AKAIN1: variants seen among roughly 807,000 people sequenced by gnomAD.
AKAIN1 encodes A-kinase anchor protein inhibitor 1.
AKAIN1 carries 3 observed loss-of-function variants against 3.7 expected under a neutral mutation model. That is an observed-to-expected ratio of 0.82 (90% CI 0.37 to 2.12). AKAIN1 has a LOEUF of 2.12. Among genes scored for constraint, AKAIN1 ranks in the 30% most tolerant of loss-of-function variants. The probability of loss-of-function intolerance (pLI) is 0.06; values close to 1 mark genes in which losing one functional copy is unlikely to be tolerated. For synonymous variants in AKAIN1, 31 were observed against 30.8 expected (o/e 1.01, Z -0.02); for missense variants, 82 against 82.7 (o/e 0.99, Z 0.03).
chr18:5,182,775 A>T (rs1003529004), intron 1 of AKAIN1, among the ~76,000 whole-genome samples: 1 of 152,110 alleles, frequency 6.6e-6, no homozygotes, highest in African/African-American at 2.4e-5. Context: ...CTTCTAGACA[A>T]CTTTTGGTGA....
At chr18:5,180,377 C>T (rs181401134) in intron 1 of AKAIN1, among the ~76,000 whole-genome samples, 1 of 151,768 alleles carries the variant, frequency 6.6e-6, no homozygotes, top group African/African-American at 2.4e-5. Context: ...AGGCCAGGTG[C>T]ATGTGACTGA....
Position 5,194,217 on chromosome 18 carries a change from C to T in AKAIN1, c.16+2821G>A, listed in dbSNP as rs139869870. On this transcript the variant is annotated intron_variant, in intron 1 of 1. Transcript: ENST00000434239. Reference sequence around the variant, plus strand: ...ATGATGGGCTTCAAGTAATTAACTCCTTAAAAAATTAGTAGTCATGCCCCT... The same window carrying T: ...ATGATGGGCTTCAAGTAATTAACTCTTTAAAAAATTAGTAGTCATGCCCCT... 3.2e-3 allele frequency among the ~76,000 whole-genome samples: 490 copies of T among 152,180 alleles called. 3 individuals carry two copies. Among genetic ancestry groups the T allele is most frequent in the African/African-American group, 0.011 (469 of 41,524 alleles).
Position 5,145,276 on chromosome 18 carries a change from T to C in AKAIN1, c.*286A>G. On this transcript the variant is annotated 3_prime_UTR_variant, in exon 2 of 2. Coordinates refer to ENST00000434239, the MANE Select transcript of AKAIN1 (RefSeq NM_001145194.2). ...TAAACGAGACATAGAATTCTTTTTT[T>C]CAAATAAAAGAACTTTAAAAATAAA... 1 of 280,028 alleles carries C rather than the reference T, an allele frequency of 3.6e-6. No homozygotes were observed. The highest frequency in any genetic ancestry group is 6.7e-6 in the Non-Finnish European group (1 of 149,238). 17.3% of individuals were successfully genotyped at this position (280,028 alleles called of 1,614,324 possible). A position where few individuals can be genotyped will look rare whatever the true frequency, so the allele number is the denominator to read the frequency against.
chr18:5,152,063 G>A (rs1598304934), intron 1 of AKAIN1, among the ~76,000 whole-genome samples: 1 of 152,186 alleles, frequency 6.6e-6, no homozygotes, highest in Admixed American at 6.5e-5. Flanking sequence ...TATGAAGGGA[G>A]CATGGGGAGC....
rs2071036189 is a variant in AKAIN1 at position 5,144,187 on chromosome 18, T to C, written c.*1375A>G. Among the ~76,000 whole-genome samples, 1 of 152,176 alleles carries C rather than the reference T, an allele frequency of 6.6e-6. No individual in the cohort carries two copies. The highest frequency in any genetic ancestry group is 2.1e-4 in the South Asian group (1 of 4,826). On this transcript the variant is annotated 3_prime_UTR_variant, in exon 2 of 2. Coordinates refer to ENST00000434239, the MANE Select transcript of AKAIN1 (RefSeq NM_001145194.2). ...CTGGTAAGATATTTTTCATTCATTA[T>C]CTATTATCCAACTATTTATTCTAGA...
intron 1 of AKAIN1, among the ~76,000 whole-genome samples, chr18:5,196,555 C>G (rs12326675): frequency 0.17 from 25,788 of 152,296 alleles, 2,407 homozygotes; most frequent in Middle Eastern, 0.32. Context: ...CTTCGTCCTA[C>G]TCCCCTTGGC....
At chr18:5,186,949 A>C (rs533378762) in intron 1 of AKAIN1, among the ~76,000 whole-genome samples, 2 of 152,286 alleles carry the variant, frequency 1.3e-5, no homozygotes, top group East Asian at 1.9e-4. Flanking sequence ...TCCATGGGAC[A>C]AAAAGGAGGT....
chr18:5,161,141 A>C (rs1757329547), intron 1 of AKAIN1, among the ~76,000 whole-genome samples: 1 of 152,050 alleles, frequency 6.6e-6, no homozygotes, highest in South Asian at 2.1e-4. Context: ...CACTGGCTTC[A>C]CTTGGGAAAA....
At position 5,150,699 on chromosome 18, in the gene AKAIN1, C is replaced by A. The variant is rs141583199; in HGVS notation, c.17-4944G>T. Among the ~76,000 whole-genome samples the A allele has an allele frequency of 2.0e-3, 309 of 152,264 alleles. 3 individuals are homozygous for A. Among genetic ancestry groups the A allele is most frequent in the African/African-American group, 6.3e-3 (262 of 41,544 alleles). ...CCACTGTGAGCTCTGCAGCTCCCCACCACGCCCCTCAGAACTTTCTGCCCC... is the reference window on the plus strand; with the variant it reads ...CCACTGTGAGCTCTGCAGCTCCCCAACACGCCCCTCAGAACTTTCTGCCCC... On this transcript the variant is annotated intron_variant, in intron 1 of 1. Coordinates refer to ENST00000434239, the MANE Select transcript of AKAIN1 (RefSeq NM_001145194.2).
At chr18:5,175,026 G>C (rs1237727969) in intron 1 of AKAIN1, among the ~76,000 whole-genome samples, 3 of 152,140 alleles carry the variant, frequency 2.0e-5, no homozygotes, top group Non-Finnish European at 4.4e-5. Flanking sequence ...TAGCCGCACA[G>C]GGTCTCACAC....
chr18:5,150,175 A>C (rs1308588578), intron 1 of AKAIN1, among the ~76,000 whole-genome samples: 1 of 152,184 alleles, frequency 6.6e-6, no homozygotes, highest in African/African-American at 2.4e-5. Flanking sequence ...CATCACACTC[A>C]TACTTCCTGG....
In AKAIN1 at chr18:5,172,842, C is replaced by T. The variant is rs533646763; in HGVS notation, c.16+24196G>A. On this transcript the variant is annotated intron_variant, in intron 1 of 1. Transcript: ENST00000434239. ...TTTAAGACTTAATATTAGAATTCTG[C>T]CAATGAAGAAAAGAGTTATTATGGA... Among the ~76,000 whole-genome samples the T allele has an allele frequency of 4.6e-5, 7 of 151,852 alleles. No individual in the cohort carries two copies. The East Asian group carries it at 1.4e-3, about 29-fold the overall frequency.
chr18:5,195,466 A>T (rs958736269), intron 1 of AKAIN1, among the ~76,000 whole-genome samples: 1 of 152,168 alleles, frequency 6.6e-6, no homozygotes, highest in Non-Finnish European at 1.5e-5. Flanking sequence ...AATGGAAAGG[A>T]TATGCTGAGT....
intron 1 of AKAIN1, among the ~76,000 whole-genome samples, chr18:5,174,999 G>GGGGTA (rs1184750028): frequency 6.6e-6 from 1 of 152,170 alleles, no homozygotes; most frequent in Non-Finnish European, 1.5e-5. Context: ...GCCAGCTTCA[G>GGGGTA]GGGTAGGTAG....
chr18:5,152,869 G>T (rs1328578627), intron 1 of AKAIN1, among the ~76,000 whole-genome samples: 1 of 152,326 alleles, frequency 6.6e-6, no homozygotes, highest in South Asian at 2.1e-4. Context: ...CTGAAGAAAG[G>T]AGGCCAGCCT....
intron 1 of AKAIN1, among the ~76,000 whole-genome samples, chr18:5,188,015 G>A (rs1170690516): frequency 6.6e-6 from 1 of 151,928 alleles, no homozygotes; most frequent in Non-Finnish European, 1.5e-5. Context: ...GGGAGAAATA[G>A]GCCAGAAAAA....
At position 5,163,587 on chromosome 18, in the gene AKAIN1, A is replaced by T. The variant is rs185715805; in HGVS notation, c.17-17832T>A. On this transcript the variant is annotated intron_variant, in intron 1 of 1. Transcript: ENST00000434239. ...AGCCAAAAAATTACTGGTCAGAAATACTGTCAAATTACAAGCTCTTATCTA... is the reference window on the plus strand; with the variant it reads ...AGCCAAAAAATTACTGGTCAGAAATTCTGTCAAATTACAAGCTCTTATCTA... The T allele has an allele frequency of 4.9e-4, 74 of 152,220 alleles. 1 individual carries two copies. The highest frequency in any genetic ancestry group is 1.6e-3 in the African/African-American group (68 of 41,580). 9.4% of individuals were successfully genotyped at this position (152,220 alleles called of 1,614,324 possible).
At chr18:5,195,148 GA>G (rs5822849) in intron 1 of AKAIN1, among the ~76,000 whole-genome samples, 3 of 150,370 alleles carry the variant, frequency 2.0e-5, no homozygotes, top group South Asian at 2.1e-4. Flanking sequence ...AAGAAGTGAT[GA>G]AAAAAAAAGT....
intron 1 of AKAIN1, among the ~76,000 whole-genome samples, chr18:5,177,900 T>C (rs1168179248): frequency 6.6e-6 from 1 of 152,106 alleles, no homozygotes; most frequent in Admixed American, 6.6e-5. Context: ...GCTTAGAACA[T>C]CACTGGAGAA....
Sources: allele counts gnomAD v4.1 joint callset (sites outside exome capture counted in the v4.1 genomes callset), GRCh38; gene constraint gnomAD v4.1.1; transcripts MANE v1.5; gene names NCBI Gene and HGNC (gene_info 2026-07-23, HGNC 2026-07-21).